The following HCN1 variants were observed in gnomAD, a reference collection of about 807,000 sequenced individuals.
HCN1 encodes hyperpolarization activated cyclic nucleotide gated potassium channel 1.
A neutral mutation model predicts 78.9 loss-of-function variants in HCN1; 13 were observed. The observed-to-expected ratio is 0.16, with a 90% CI of 0.11 to 0.26. The LOEUF (loss-of-function observed/expected upper bound fraction) is 0.26. HCN1 is among the 10% of genes least tolerant of loss of function. HCN1 has a pLI of 1.00. For synonymous variants in HCN1, 552 were observed against 455.5 expected, an observed-to-expected ratio of 1.21 and a Z score of -2.70; for missense variants, 810 against 1,154.3, an observed-to-expected ratio of 0.70 and a Z score of 4.32.
intron 2 of HCN1, among the ~76,000 whole-genome samples, chr5:45,539,729 A>C (rs1416983649): frequency 6.7e-6 from 1 of 148,162 alleles, no homozygotes; most frequent in Non-Finnish European, 1.5e-5. Flanking sequence ...AAAATATTTA[A>C]TATTATTATT....
At chr5:45,376,058 A>G (rs1250997063) in intron 4 of HCN1, among the ~76,000 whole-genome samples, 2 of 112,070 alleles carry the variant, frequency 1.8e-5, no homozygotes, top group Non-Finnish European at 1.6e-5. Flanking sequence ...TATATTATAT[A>G]CAATATAATA....
At chr5:45,690,065 G>A (rs907978552) in intron 1 of HCN1, among the ~76,000 whole-genome samples, 8 of 152,012 alleles carry the variant, frequency 5.3e-5, no homozygotes, top group African/African-American at 1.9e-4. Flanking sequence ...TGAAGAGTAA[G>A]GTGCGAAGAT....
At chr5:45,445,068 G>C (rs1028889816) in intron 3 of HCN1, among the ~76,000 whole-genome samples, 2 of 152,216 alleles carry the variant, frequency 1.3e-5, no homozygotes, top group Non-Finnish European at 2.9e-5. Context: ...TGCGTGAGCC[G>C]AAACAGGGCG....
intron 2 of HCN1, among the ~76,000 whole-genome samples, chr5:45,536,038 A>G (rs1485674673): frequency 2.0e-5 from 3 of 152,104 alleles, no homozygotes; most frequent in East Asian, 1.9e-4. Flanking sequence ...CTTTAACTTT[A>G]AAGATATTAT....
chr5:45,288,103 T>A (rs1745303171), intron 6 of HCN1, among the ~76,000 whole-genome samples: 1 of 152,172 alleles, frequency 6.6e-6, no homozygotes, highest in East Asian at 1.9e-4. Flanking sequence ...CTGCATCACC[T>A]ACACTCTTAA....
intron 2 of HCN1, among the ~76,000 whole-genome samples, chr5:45,622,206 A>T (rs1745081021): frequency 6.9e-6 from 1 of 144,832 alleles, no homozygotes; most frequent in Non-Finnish European, 1.5e-5. Context: ...ACTTCGTCTT[A>T]AAAAAAAAAA....
In HCN1 at chr5:45,257,549, C is replaced by G. The variant is rs1294062791; in HGVS notation, c.*4372G>C. ...CGGGGAGTGTCAGCAAGGCTTCTCT[C>G]ATTAAAAAACCTTAAAATCTCCATT... On this transcript the variant is annotated 3_prime_UTR_variant, in exon 8 of 8. Transcript: ENST00000303230. 2 of 152,096 alleles carry G rather than the reference C, an allele frequency of 1.3e-5. No individual in the cohort carries two copies. The highest frequency in any genetic ancestry group is 2.9e-5 in the Non-Finnish European group (2 of 68,032). 9.4% of individuals were successfully genotyped at this position (152,096 alleles called of 1,614,324 possible). A position where few individuals can be genotyped will look rare whatever the true frequency, so the allele number is the denominator to read the frequency against.
At chr5:45,361,027 AATTTTATTTT>A (rs907118829) in intron 4 of HCN1, among the ~76,000 whole-genome samples, 1 of 152,032 alleles carries the variant, frequency 6.6e-6, no homozygotes, top group Non-Finnish European at 1.5e-5. Context: ...AACTGAATGT[AATTTTATTTT>A]ATTTTATTTT....
At chr5:45,656,499 G>A (rs1039234275) in intron 1 of HCN1, among the ~76,000 whole-genome samples, 1 of 152,168 alleles carries the variant, frequency 6.6e-6, no homozygotes, top group African/African-American at 2.4e-5. Flanking sequence ...TAGTCCATGG[G>A]TTGCCAGGAG....
intron 3 of HCN1, among the ~76,000 whole-genome samples, chr5:45,443,236 A>G (rs184577808): frequency 9.2e-5 from 14 of 152,226 alleles, no homozygotes; most frequent in African/African-American, 3.1e-4. Context: ...CTGAACCTGC[A>G]TTAATTCCAT....
Position 45,267,163 on chromosome 5 carries a change from T to A in HCN1, c.1709A>T (p.Asn570Ile). 1 of 1,614,032 alleles carries A rather than the reference T, an allele frequency of 6.2e-7. No individual in the cohort carries two copies. The highest frequency in any genetic ancestry group is 8.5e-7 in the Non-Finnish European group (1 of 1,179,912). Residue 570 changes from asparagine to isoleucine, a missense_variant, in exon 7 of 8, where the codon AAC becomes ATC. Physicochemically the swap from Asn to Ile is moderately radical, Grantham distance 149. Transcript: ENST00000303230. ...CATTGGATATTCCTCCAGGACCTCG[T>A]TGAAATTGTCCACGGAAAGTGAGTA... ...RLYSLSVDNF[N>I]EVLEEYPMMR...
At chr5:45,515,595 T>C (rs1353204761) in intron 2 of HCN1, among the ~76,000 whole-genome samples, 1 of 151,962 alleles carries the variant, frequency 6.6e-6, no homozygotes, top group African/African-American at 2.4e-5. Flanking sequence ...AGTATATAAG[T>C]TATAACAGGT....
At chr5:45,689,936 C>T (rs957924518) in intron 1 of HCN1, among the ~76,000 whole-genome samples, 8 of 152,002 alleles carry the variant, frequency 5.3e-5, no homozygotes, top group East Asian at 1.9e-4. Context: ...CTACGTTATT[C>T]GTGTCATTTT....
intron 2 of HCN1, among the ~76,000 whole-genome samples, chr5:45,511,179 A>G (rs555552573): frequency 6.6e-6 from 1 of 152,242 alleles, no homozygotes; most frequent in South Asian, 2.1e-4. Context: ...AACAAAATAA[A>G]TAATGTATTA....
chr5:45,371,810 A>T (rs1747369377), intron 4 of HCN1, among the ~76,000 whole-genome samples: 2 of 137,520 alleles, frequency 1.5e-5, no homozygotes, highest in Admixed American at 1.7e-4. Flanking sequence ...CACAAGGTGT[A>T]TATGTGCTGT....
chr5:45,315,631 T>A (rs1304214852), intron 5 of HCN1, among the ~76,000 whole-genome samples: 7 of 151,782 alleles, frequency 4.6e-5, no homozygotes. Context: ...CAGGAGCTGG[T>A]TTTTGAAAAG....
chr5:45,505,565 G>T (rs1228394294), intron 2 of HCN1, among the ~76,000 whole-genome samples: 2 of 152,064 alleles, frequency 1.3e-5, no homozygotes, highest in Non-Finnish European at 2.9e-5. Flanking sequence ...TTTTGGCTTA[G>T]GATTGACTTG....
chr5:45,674,916 T>C (rs150183121), intron 1 of HCN1, among the ~76,000 whole-genome samples: 1 of 151,626 alleles, frequency 6.6e-6, no homozygotes, highest in Admixed American at 6.6e-5. Flanking sequence ...AATATCTCTA[T>C]AAAAAATTTT....
intron 2 of HCN1, among the ~76,000 whole-genome samples, chr5:45,519,389 G>T (rs1742573332): frequency 6.6e-6 from 1 of 151,974 alleles, no homozygotes. Context: ...TACACACACT[G>T]TCCTTTCTAG....
Sources: gnomAD v4.1 joint callset for allele counts (sites outside exome capture counted in the v4.1 genomes callset) on GRCh38, gnomAD v4.1.1 for gene constraint, MANE v1.5 for transcripts, NCBI Gene and HGNC (gene_info 2026-07-23, HGNC 2026-07-21) for gene names.